GLG1: variants seen among roughly 807,000 people sequenced by gnomAD.
The protein encoded by GLG1 is Golgi apparatus protein 1.
In GLG1, 38 loss-of-function variants were observed where a neutral mutation model predicts 160.5. The observed-to-expected ratio is 0.24, with a 90% CI of 0.18 to 0.31. The LOEUF (loss-of-function observed/expected upper bound fraction) is 0.31. Among genes scored for constraint, GLG1 ranks in the 10% least tolerant of loss-of-function variants. GLG1 has a pLI of 1.00. For synonymous variants in GLG1, 644 were observed against 543.4 expected (o/e 1.19, Z -2.57); for missense variants, 1,373 against 1,505.2 (o/e 0.91, Z 1.45).
chr16:74,496,809 A>G (rs1236846344), intron 4 of GLG1, among the ~76,000 whole-genome samples, 165 bp from the exon 5 acceptor site: 1 of 152,100 alleles, frequency 6.6e-6, no homozygotes, highest in East Asian at 1.9e-4. Context: ...ATCAAGTAAG[A>G]ACCAACCACA....
At chr16:74,604,572 A>G (rs765909560) in intron 1 of GLG1, among the ~76,000 whole-genome samples, 1 of 152,272 alleles carries the variant, frequency 6.6e-6, no homozygotes. Flanking sequence ...AAAAGTACAT[A>G]TATCTATTTC....
At chr16:74,497,518 C>A (rs914057151) in intron 4 of GLG1, among the ~76,000 whole-genome samples, 1 of 148,664 alleles carries the variant, frequency 6.7e-6, no homozygotes, top group South Asian at 2.1e-4. Context: ...GCTCACTGCA[C>A]GCTCCCACTC....
At chr16:74,533,850 T>G (rs2017613952) in intron 1 of GLG1, among the ~76,000 whole-genome samples, 1 of 152,216 alleles carries the variant, frequency 6.6e-6, no homozygotes, top group African/African-American at 2.4e-5. Flanking sequence ...GAATTCTGTG[T>G]GCCTATAACT....
In GLG1 at chr16:74,480,305, G is replaced by A. The variant is rs772019911; in HGVS notation, c.1763C>T (p.Pro588Leu). Reference protein sequence around the residue: ...HGWNETSEFMPQGAVFSCLYR... With the variant: ...HGWNETSEFMLQGAVFSCLYR... Reference sequence around the variant, plus strand: ...TAAACAAGAGAACACAGCTCCCTGAGGCATAAATTCACTGGTCTCATTCCA... The same window carrying A: ...TAAACAAGAGAACACAGCTCCCTGAAGCATAAATTCACTGGTCTCATTCCA... The change falls in exon 11 of 26, where the codon CCT becomes CTT. Residue 588 changes from proline (P) to leucine (L), a missense_variant. Pro to Leu is a moderately conservative substitution (Grantham distance 98). This residue lies in a region of GLG1 where 386 missense variants were observed against 388.5 expected (regional missense o/e 0.99). Transcript: ENST00000422840. 4 of 1,613,126 alleles carry A rather than the reference G, an allele frequency of 2.5e-6. No homozygotes were observed. Among genetic ancestry groups the A allele is most frequent in the East Asian group, 2.2e-5 (1 of 44,878 alleles).
chr16:74,452,249 G>A lies in GLG1; in HGVS notation c.*918C>T, dbSNP rs756462126. 64 of 1,511,114 alleles carry A rather than the reference G, an allele frequency of 4.2e-5. No individual in the cohort carries two copies. The highest frequency in any genetic ancestry group is 4.2e-4 in the Middle Eastern group (2 of 4,730). 93.6% of individuals were successfully genotyped at this position (1,511,114 alleles called of 1,614,324 possible). A position where few individuals can be genotyped will look rare whatever the true frequency, so the allele number is the denominator to read the frequency against. ...GTCCTGCCTCCTGATGAAGCGCAGA[G>A]CTTCCAGAGTGACTGTAGCCTCAGC... On this transcript the variant is annotated 3_prime_UTR_variant, in exon 26 of 26. Coordinates refer to ENST00000422840, the MANE Select transcript of GLG1 (RefSeq NM_001145667.2).
chr16:74,479,282 C>T (rs2015513915), intron 11 of GLG1, among the ~76,000 whole-genome samples: 1 of 145,608 alleles, frequency 6.9e-6, no homozygotes, highest in African/African-American at 2.5e-5. Flanking sequence ...ATGTGAATTT[C>T]ACCTCAATTT....
chr16:74,498,448 G>GTGTATATATATATATATATATA lies in GLG1; in HGVS notation c.775-1805_775-1804insTATATATATATATATATATACA, dbSNP rs1491436581. ...GGCTCTGTCTCAAAAAAAAAAAAAAGTATATATATATATATATATTATATT... is the reference window on the plus strand; with the variant it reads ...GGCTCTGTCTCAAAAAAAAAAAAAAGTGTATATATATATATATATATATATATATATATATATATATTATATT... On this transcript the variant is annotated intron_variant, in intron 4 of 25. Coordinates refer to ENST00000422840, the MANE Select transcript of GLG1 (RefSeq NM_001145667.2). 1.9e-3 allele frequency among the ~76,000 whole-genome samples: 46 copies of GTGTATATATATATATATATATA among 24,050 alleles called. 7 individuals are homozygous for GTGTATATATATATATATATATA. Among genetic ancestry groups the GTGTATATATATATATATATATA allele is most frequent in the Non-Finnish European group, 2.9e-3 (38 of 12,956 alleles). The allele number at this position is 24,050 out of a possible 152,430, so 15.8% of individuals were successfully genotyped here.
chr16:74,565,617 T>G (rs1770199482), intron 1 of GLG1, among the ~76,000 whole-genome samples: 1 of 152,228 alleles, frequency 6.6e-6, no homozygotes, highest in South Asian at 2.1e-4. Flanking sequence ...GCAGTTTCTG[T>G]ACCTCACTTC....
chr16:74,539,893 T>C (rs1256549628), intron 1 of GLG1, among the ~76,000 whole-genome samples: 2 of 140,650 alleles, frequency 1.4e-5, no homozygotes, highest in Non-Finnish European at 3.0e-5. Context: ...GTATAATTTC[T>C]CATCTTCTAT....
intron 1 of GLG1, among the ~76,000 whole-genome samples, chr16:74,603,639 TG>T (rs1343375214): frequency 2.7e-5 from 4 of 150,010 alleles, no homozygotes. Flanking sequence ...AAGACACTAG[TG>T]GAAAAAAAAA....
At chr16:74,537,263 GCAAA>G (rs967883074) in intron 1 of GLG1, among the ~76,000 whole-genome samples, 68 of 152,172 alleles carry the variant, frequency 4.5e-4, no homozygotes, top group Non-Finnish European at 7.1e-4. Context: ...AAATGATACA[GCAAA>G]CAAAGGCAGT....
In GLG1 at chr16:74,463,360, G is replaced by A; in HGVS notation, c.2787C>T (p.Asn929=). 1 of 1,614,056 alleles carries A rather than the reference G, an allele frequency of 6.2e-7. No homozygotes were observed. Among genetic ancestry groups the A allele is most frequent in the South Asian group, 1.1e-5 (1 of 91,080 alleles). The stretch of plus-strand genomic sequence containing the variant: ...AGAGCCAAGCCAAGATCTTACCTGT[G>A]TTCTGGGTGATCTGGCGCTTGGTTA... ...QMITKRQITQ[N]TDYRLNPMLR... is the part of the protein sequence containing the mutation. Residue 929 remains asparagine (N), a synonymous_variant, in exon 20 of 26, where the codon AAC becomes AAT. Coordinates refer to ENST00000422840, the MANE Select transcript of GLG1 (RefSeq NM_001145667.2).
At chr16:74,584,169 TA>T (rs1397482779) in intron 1 of GLG1, among the ~76,000 whole-genome samples, 3 of 152,164 alleles carry the variant, frequency 2.0e-5, no homozygotes, top group African/African-American at 7.2e-5. Context: ...ATAGACCTCC[TA>T]GTTCCCCCGA....
intron 13 of GLG1, chr16:74,472,965 G>T (rs1040521361): frequency 6.4e-6 from 1 of 157,404 alleles, no homozygotes; most frequent in African/African-American, 2.4e-5. Flanking sequence ...CAATGATAAT[G>T]TGAGAGATGA....
At position 74,450,278 on chromosome 16, in the gene GLG1, T is replaced by C. The variant is rs1456684511; in HGVS notation, c.*2889A>G. ...TCCACAGAAGGGTCATTGTTTCTTTTCTTGACCATTTCTCAGCCAGTTGAC... is the reference window on the plus strand; with the variant it reads ...TCCACAGAAGGGTCATTGTTTCTTTCCTTGACCATTTCTCAGCCAGTTGAC... On this transcript the variant is annotated 3_prime_UTR_variant, in exon 26 of 26. Transcript: ENST00000422840. 2 of 152,284 alleles carry C rather than the reference T, an allele frequency of 1.3e-5. No homozygotes were observed. Among genetic ancestry groups the C allele is most frequent in the East Asian group, 3.9e-4 (2 of 5,194 alleles). 9.4% of individuals were successfully genotyped at this position (152,284 alleles called of 1,614,324 possible).
At chr16:74,501,106 C>A (rs942090336) in intron 4 of GLG1, among the ~76,000 whole-genome samples, 11 of 152,184 alleles carry the variant, frequency 7.2e-5, no homozygotes, top group Admixed American at 2.6e-4. Context: ...TCAGAAGCTG[C>A]TTTGTTAATT....
Position 74,506,598 on chromosome 16 carries a change from A to AAAAAAAAAC in GLG1, c.558+2240_558+2241insGTTTTTTTT, listed in dbSNP as rs768101788. Among the ~76,000 whole-genome samples, 1,118 of 144,408 alleles carry AAAAAAAAAC rather than the reference A, an allele frequency of 7.7e-3. 119 individuals are homozygous for AAAAAAAAAC. The highest frequency in any genetic ancestry group is 0.029 in the African/African-American group (1,079 of 37,398). 94.7% of individuals were successfully genotyped at this position (144,408 alleles called of 152,430 possible). ...CTCCGTCTCAAAAAAAAAAAAAAAA[A>AAAAAAAAAC]AAAAAACTCAAGAGAAACCAGGAGC... is the stretch of plus-strand genomic sequence containing the variant. On this transcript the variant is annotated intron_variant, in intron 3 of 25. Transcript: ENST00000422840.
At chr16:74,563,842 C>A (rs1262519620) in intron 1 of GLG1, among the ~76,000 whole-genome samples, 1 of 152,084 alleles carries the variant, frequency 6.6e-6, no homozygotes, top group Non-Finnish European at 1.5e-5. Flanking sequence ...TTTAAATTAT[C>A]TTGCTAAAGG....
chr16:74,456,583 T>G, intron 25 of GLG1, 66 bp downstream of exon 25: 1 of 963,188 alleles, frequency 1.0e-6, no homozygotes, highest in Non-Finnish European at 1.7e-6. Flanking sequence ...AAGGATGACA[T>G]GCAAATTGGT....
Sources: gnomAD v4.1 joint callset for allele counts (sites outside exome capture counted in the v4.1 genomes callset) on GRCh38, gnomAD v4.1.1 for gene constraint, gnomAD v4.1.1 regional missense constraint, MANE v1.5 for transcripts, NCBI Gene and HGNC (gene_info 2026-07-23, HGNC 2026-07-21) for gene names.